The following BBS4 variants were observed in gnomAD, a reference collection of about 807,000 sequenced individuals.
The protein encoded by BBS4 is Bardet-Biedl syndrome 4, also known as BBSome complex member BBS4.
A neutral mutation model predicts 71.4 loss-of-function variants in BBS4; 58 were observed. That is an observed-to-expected ratio of 0.81 (90% CI 0.66 to 1.01). The LOEUF is 1.01. Ranked by LOEUF, BBS4 falls within the 50% of genes least tolerant of loss-of-function variation. The pLI is 0.00. For missense variants in BBS4, 660 were observed against 607.9 expected (o/e 1.09, Z -0.90); for synonymous variants, 228 against 216.8 (o/e 1.05, Z -0.46).
chr15:72,736,072 T>C, intron 14 of BBS4, 106 bp downstream of exon 14: 1 of 1,344,514 alleles, frequency 7.4e-7, no homozygotes, highest in Non-Finnish European at 1.0e-6. Context: ...TCATGGCTGT[T>C]CTGGCTTTGA....
Position 72,736,830 on chromosome 15 carries a change from A to G in BBS4, c.1317A>G (p.Pro439=), listed in dbSNP as rs766703246. ...QVGEALVWTK[P]VKDPKSKHQT... ...GGGAGGCACTGGTCTGGACCAAACC[A>G]GTTAAAGATCCCAAATCAAAGCACC... Residue 439 remains proline (P), a synonymous_variant, in exon 15 of 16, where the codon CCA becomes CCG. Coordinates refer to ENST00000268057, the MANE Select transcript of BBS4 (RefSeq NM_033028.5). 3.1e-6 allele frequency: 5 copies of G among 1,614,098 alleles called. No individual in the cohort carries two copies. The highest frequency in any genetic ancestry group is 4.2e-6 in the Non-Finnish European group (5 of 1,180,042).
chr15:72,712,770 A>G (rs1163091472), intron 4 of BBS4, among the ~76,000 whole-genome samples: 1 of 152,204 alleles, frequency 6.6e-6, no homozygotes, highest in Non-Finnish European at 1.5e-5. Flanking sequence ...ATTGTATACT[A>G]ATGTAGACTT....
intron 3 of BBS4, among the ~76,000 whole-genome samples, chr15:72,711,744 AGT>A (rs1342919481): frequency 6.6e-6 from 1 of 152,250 alleles, no homozygotes; most frequent in African/African-American, 2.4e-5. Flanking sequence ...TTCTAGAAGA[AGT>A]AATCACAACA....
intron 10 of BBS4, among the ~76,000 whole-genome samples, chr15:72,730,278 CAA>C (rs36057641): frequency 1.0e-3 from 133 of 133,510 alleles, no homozygotes; most frequent in South Asian, 1.5e-3. Context: ...GACTCTGTCT[CAA>C]AAAAAAAAAA....
chr15:72,710,939 C>T (rs1327924075), intron 3 of BBS4, among the ~76,000 whole-genome samples: 1 of 150,222 alleles, frequency 6.7e-6, no homozygotes, highest in Non-Finnish European at 1.5e-5. Flanking sequence ...TACAGGTGCC[C>T]GCCACCATGC....
intron 1 of BBS4, among the ~76,000 whole-genome samples, chr15:72,690,103 C>T (rs1035065416): frequency 1.3e-5 from 2 of 152,164 alleles, no homozygotes; most frequent in African/African-American, 4.8e-5. Context: ...CCACTGTACC[C>T]AGCCTATAAA....
chr15:72,716,276 A>G (rs2065467174), intron 5 of BBS4, among the ~76,000 whole-genome samples: 2 of 152,134 alleles, frequency 1.3e-5, no homozygotes, highest in Admixed American at 6.5e-5. Context: ...CCTTTGTTCC[A>G]TGGAGTTCCT....
rs1041785655 is a variant in BBS4, at chr15:72,710,203, T to C, written c.156+424T>C. On this transcript the variant is annotated intron_variant, in intron 3 of 15. Transcript: ENST00000268057. ...AAATGGTATTTTGTCGAGTTTTTTT[T>C]TTTTTTTTTTTTTTTTTGAGATGGA... is the stretch of plus-strand genomic sequence containing the variant. Among the ~76,000 whole-genome samples, 163 of 139,698 alleles carry C rather than the reference T, an allele frequency of 1.2e-3. 4 individuals are homozygous for C. The highest frequency in any genetic ancestry group is 2.6e-3 in the African/African-American group (97 of 37,772). 91.6% of individuals were successfully genotyped at this position (139,698 alleles called of 152,430 possible).
At chr15:72,714,784 G>A (rs934299414) in intron 4 of BBS4, among the ~76,000 whole-genome samples, 8 of 152,152 alleles carry the variant, frequency 5.3e-5, no homozygotes, top group African/African-American at 1.9e-4. Context: ...GGAAACATAG[G>A]CCTAGGAAAA....
intron 1 of BBS4, among the ~76,000 whole-genome samples, chr15:72,687,315 ATAGC>A (rs540219957): frequency 3.0e-4 from 46 of 151,896 alleles, no homozygotes; most frequent in African/African-American, 1.1e-3. Flanking sequence ...GAAATTTAAA[ATAGC>A]TAGGCCGGAC....
chr15:72,697,975 C>G (rs773425639), intron 2 of BBS4: 3 of 455,820 alleles, frequency 6.6e-6, no homozygotes, highest in South Asian at 4.7e-5. Context: ...TCCTTTTGCC[C>G]CATGATGTAA....
chr15:72,738,109 A>G lies in BBS4; in HGVS notation c.*522A>G, dbSNP rs531501103. 9.5e-4 allele frequency: 431 copies of G among 452,900 alleles called. 1 individual carries two copies. The highest frequency in any genetic ancestry group is 6.6e-3 in the South Asian group (423 of 64,174). The allele number at this position is 452,900 out of a possible 1,614,324, so 28.1% of individuals were successfully genotyped here. On this transcript the variant is annotated 3_prime_UTR_variant, in exon 16 of 16. Coordinates refer to ENST00000268057, the MANE Select transcript of BBS4 (RefSeq NM_033028.5). ...ATACATTTAAAAGAAAAAAAACAAA[A>G]GCCCTGGAAGTTGAGGCCAAGCCTG...
chr15:72,693,518 T>A (rs572446856), intron 1 of BBS4, among the ~76,000 whole-genome samples: 172 of 152,354 alleles, frequency 1.1e-3, no homozygotes, highest in Non-Finnish European at 1.9e-3. Context: ...CTCTGACAAC[T>A]ACTCAGCAAT....
rs1227676390 is a variant in BBS4 at position 72,687,592 on chromosome 15, A to G, written c.24+1341A>G. On this transcript the variant is annotated intron_variant, in intron 1 of 15. Transcript: ENST00000268057. ...GCACTCCAGCATGAGCGACAGAGAC[A>G]GACTCCTTCTCAAAAAAAAAGAAAG... Among the ~76,000 whole-genome samples, 4 of 129,192 alleles carry G rather than the reference A, an allele frequency of 3.1e-5. No homozygotes were observed. The East Asian group carries it at 8.9e-4, about 29-fold the overall frequency. 84.8% of individuals were successfully genotyped at this position (129,192 alleles called of 152,430 possible). A position where few individuals can be genotyped will look rare whatever the true frequency, so the allele number is the denominator to read the frequency against.
rs764735040 is a variant in BBS4, at chr15:72,737,580, A to C, written c.1553A>C (p.Glu518Ala). The C allele has an allele frequency of 6.9e-6, 11 of 1,604,742 alleles. No homozygotes were observed. The South Asian group carries it at 9.0e-5, about 13-fold the overall frequency. Residue 518 changes from glutamate to alanine, a missense_variant, in exon 16 of 16, where the codon GAG becomes GCG. Coordinates refer to ENST00000268057, the MANE Select transcript of BBS4 (RefSeq NM_033028.5). ...ACTGAAACATCAGAACAAATAAGAG[A>C]GAAATAAGAATAGAATGAATGACCC... ...SPTETSEQIR[E>A]K
At chr15:72,712,997 T>C (rs566980617) in intron 4 of BBS4, among the ~76,000 whole-genome samples, 5 of 151,644 alleles carry the variant, frequency 3.3e-5, no homozygotes, top group African/African-American at 1.2e-4. Flanking sequence ...GTCCTTATTC[T>C]ATAAGCTTTT....
chr15:72,710,195 G>GTTCTTTTTTT lies in BBS4; in HGVS notation c.156+418_156+419insCTTTTTTTTT, dbSNP rs1239689474. ...TAGATGAAAAATGGTATTTTGTCGAGTTTTTTTTTTTTTTTTTTTTTTTTT... is the reference window on the plus strand; with the variant it reads ...TAGATGAAAAATGGTATTTTGTCGAGTTCTTTTTTTTTTTTTTTTTTTTTTTTTTTTTTTT... On this transcript the variant is annotated intron_variant, in intron 3 of 15. Coordinates refer to ENST00000268057, the MANE Select transcript of BBS4 (RefSeq NM_033028.5). Among the ~76,000 whole-genome samples, 117 of 103,420 alleles carry GTTCTTTTTTT rather than the reference G, an allele frequency of 1.1e-3. 12 individuals are homozygous for GTTCTTTTTTT. Among genetic ancestry groups the GTTCTTTTTTT allele is most frequent in the South Asian group, 1.4e-3 (4 of 2,918 alleles). The allele number at this position is 103,420 out of a possible 152,430, so 67.8% of individuals were successfully genotyped here. A position where few individuals can be genotyped will look rare whatever the true frequency, so the allele number is the denominator to read the frequency against.
At chr15:72,716,055 T>C (rs2065463728) in intron 5 of BBS4, among the ~76,000 whole-genome samples, 1 of 151,592 alleles carries the variant, frequency 6.6e-6, no homozygotes. Flanking sequence ...TGAGCATGCT[T>C]AAGATAGGCT....
intron 4 of BBS4, 70 bp downstream of exon 4, chr15:72,712,377 C>T: frequency 6.9e-7 from 1 of 1,446,626 alleles, no homozygotes; most frequent in Non-Finnish European, 9.7e-7. Flanking sequence ...AAAGATCAGG[C>T]AATTGAAGAA....
Sources: allele counts gnomAD v4.1 joint callset (sites outside exome capture counted in the v4.1 genomes callset), GRCh38; gene constraint gnomAD v4.1.1; transcripts MANE v1.5; gene names NCBI Gene and HGNC (gene_info 2026-07-23, HGNC 2026-07-21).